Variants in CSTPP1 observed in about 807,000 individuals in gnomAD.
CSTPP1 encodes the protein centriolar satellite-associated tubulin polyglutamylase complex regulator 1.
the CSTPP1 span, chr11:46,987,090 G>A: frequency 1.1e-6 from 1 of 883,228 alleles, no homozygotes; most frequent in African/African-American, 1.6e-5. Flanking sequence ...CTGATGAAGT[G>A]TCATCAGACA....
At chr11:47,164,157 G>A in the CSTPP1 span, 2 of 1,613,958 alleles carry the variant, frequency 1.2e-6, no homozygotes, top group Non-Finnish European at 8.5e-7. Flanking sequence ...AGGGGCCTTT[G>A]GCTTTCAGAG....
At chr11:47,039,104 G>A in the CSTPP1 span, among the ~76,000 whole-genome samples, 5 of 126,676 alleles carry the variant, frequency 3.9e-5, 1 homozygote, top group Admixed American at 2.5e-4. Flanking sequence ...ACGGGGTGGC[G>A]GCCGGGCAGA....
At chr11:47,060,723 C>CA in the CSTPP1 span, among the ~76,000 whole-genome samples, 3 of 152,084 alleles carry the variant, frequency 2.0e-5, no homozygotes, top group Admixed American at 2.0e-4. Context: ...ATGGGTGCAA[C>CA]AAAATCTCAC....
the CSTPP1 span, among the ~76,000 whole-genome samples, chr11:47,063,144 C>T: frequency 4.6e-5 from 7 of 152,110 alleles, no homozygotes; most frequent in Non-Finnish European, 1.0e-4. Flanking sequence ...CTCTTTTCTC[C>T]TTGATATCTC....
At chr11:46,968,402 ATATT>A in the CSTPP1 span, among the ~76,000 whole-genome samples, 1 of 146,998 alleles carries the variant, frequency 6.8e-6, no homozygotes, top group Non-Finnish European at 1.5e-5. Context: ...TTTAAATAAT[ATATT>A]TAATATATTA....
At chr11:47,142,678 C>A in the CSTPP1 span, among the ~76,000 whole-genome samples, 1 of 152,092 alleles carries the variant, frequency 6.6e-6, no homozygotes, top group Non-Finnish European at 1.5e-5. Context: ...CATCTTAGCC[C>A]CCCGCAGCCA....
At chr11:47,044,411 T>A in the CSTPP1 span, among the ~76,000 whole-genome samples, 7 of 151,678 alleles carry the variant, frequency 4.6e-5, no homozygotes, top group Non-Finnish European at 1.5e-5. Flanking sequence ...GGATCTCACA[T>A]TATTGCCCAG....
chr11:47,148,176 A>C, the CSTPP1 span, among the ~76,000 whole-genome samples: 5 of 152,158 alleles, frequency 3.3e-5, no homozygotes, highest in Non-Finnish European at 7.4e-5. Flanking sequence ...CCACCTGGAG[A>C]AGGTAACCAG....
chr11:46,985,869 C>T, the CSTPP1 span, among the ~76,000 whole-genome samples: 1 of 152,138 alleles, frequency 6.6e-6, no homozygotes, highest in African/African-American at 2.4e-5. Context: ...GGTCACATAA[C>T]TAGGAAGTGG....
the CSTPP1 span, among the ~76,000 whole-genome samples, chr11:46,982,150 A>G: frequency 1.3e-5 from 2 of 151,938 alleles, no homozygotes; most frequent in East Asian, 1.9e-4. Flanking sequence ...GAACATTTTA[A>G]TTTAGTTCAG....
At chr11:46,971,705 G>A in the CSTPP1 span, among the ~76,000 whole-genome samples, 2 of 152,058 alleles carry the variant, frequency 1.3e-5, no homozygotes, top group Non-Finnish European at 2.9e-5. Context: ...AACCCTTTGG[G>A]AGGCCAAGGC....
the CSTPP1 span, among the ~76,000 whole-genome samples, chr11:47,141,053 T>G: frequency 0.61 from 92,160 of 151,992 alleles, 28,636 homozygotes; most frequent in Middle Eastern, 0.7. Context: ...TATTCATTTG[T>G]TCATTTGTTT....
the CSTPP1 span, among the ~76,000 whole-genome samples, chr11:47,064,323 T>C: frequency 6.6e-6 from 1 of 152,192 alleles, no homozygotes; most frequent in Non-Finnish European, 1.5e-5. Flanking sequence ...TTAATTTCAA[T>C]GAAGTCCAAT....
chr11:46,961,855 C>T, the CSTPP1 span, among the ~76,000 whole-genome samples: 6 of 152,074 alleles, frequency 3.9e-5, no homozygotes, highest in Admixed American at 6.6e-5. Flanking sequence ...TGTATTAGTC[C>T]ATTCTCACAC....
At chr11:46,948,620 A>C in the CSTPP1 span, among the ~76,000 whole-genome samples, 1 of 152,170 alleles carries the variant, frequency 6.6e-6, no homozygotes, top group Admixed American at 6.5e-5. Flanking sequence ...ACTCTTCCCC[A>C]AGTGAGCTGC....
the CSTPP1 span, among the ~76,000 whole-genome samples, chr11:47,016,722 C>G: frequency 1.3e-5 from 2 of 151,214 alleles, no homozygotes; most frequent in Non-Finnish European, 2.9e-5. Flanking sequence ...CAAATAGGGT[C>G]AAAGGAAACT....
chr11:47,070,732 G>C, the CSTPP1 span, among the ~76,000 whole-genome samples: 5 of 152,152 alleles, frequency 3.3e-5, no homozygotes, highest in Non-Finnish European at 7.4e-5. Flanking sequence ...GAGAACTCCT[G>C]CAAGACAGTT....
the CSTPP1 span, among the ~76,000 whole-genome samples, chr11:47,080,550 A>C: frequency 6.6e-6 from 1 of 152,230 alleles, no homozygotes; most frequent in African/African-American, 2.4e-5. Context: ...AGGAAAAAGA[A>C]ATAAGAGGCA....
chr11:47,118,145 T>TG, the CSTPP1 span, among the ~76,000 whole-genome samples: 1 of 152,184 alleles, frequency 6.6e-6, no homozygotes, highest in East Asian at 1.9e-4. Context: ...CCCAAAGTGC[T>TG]GGGATTACAG....
Sources: allele counts gnomAD v4.1 joint callset (sites outside exome capture counted in the v4.1 genomes callset), GRCh38; gene constraint gnomAD v4.1.1; transcripts MANE v1.5; gene names NCBI Gene and HGNC (gene_info 2026-07-23, HGNC 2026-07-21).